PEX5L: variants seen among roughly 807,000 people sequenced by gnomAD.
PEX5L encodes the protein peroxisomal biogenesis factor 5 like, also known as PEX5-related protein.
Under a neutral mutation model 84.0 loss-of-function variants are expected in PEX5L, and 30 were observed. The observed-to-expected ratio is 0.36, with a 90% CI of 0.27 to 0.48. The LOEUF is 0.48. PEX5L is among the 20% of genes least tolerant of loss of function. PEX5L has a pLI of 0.99. For missense variants in PEX5L, 533 were observed against 754.6 expected, an observed-to-expected ratio of 0.71 and a Z score of 3.44; for synonymous variants, 270 against 283.1, an observed-to-expected ratio of 0.95 and a Z score of 0.46.
intron 2 of PEX5L, among the ~76,000 whole-genome samples, chr3:179,950,183 G>T (rs374404381): frequency 2.4e-4 from 37 of 152,176 alleles, no homozygotes; most frequent in Middle Eastern, 3.2e-3. Context: ...GCCCTGTGGT[G>T]CTTGGTCCTA....
Position 179,827,087 on chromosome 3 carries a change from G to A in PEX5L, c.823-7111C>T, listed in dbSNP as rs545477992. 5.9e-5 allele frequency among the ~76,000 whole-genome samples: 9 copies of A among 152,096 alleles called. No individual in the cohort carries two copies. In the East Asian group the frequency reaches 9.7e-4, roughly 16 times the overall value. On this transcript the variant is annotated intron_variant, in intron 8 of 14. Transcript: ENST00000467460. ...TACTTCATTCTTTTCTTTGACAGTC[G>A]ATTGCTTCTTCCCCAAATGGCTACA...
In PEX5L at chr3:180,024,762, C is replaced by A. The variant is rs77067759; in HGVS notation, c.21+11817G>T. Among the ~76,000 whole-genome samples the A allele has an allele frequency of 2.3e-3, 354 of 151,942 alleles. 4 individuals are homozygous for A. The highest frequency in any genetic ancestry group is 3.7e-3 in the Non-Finnish European group (250 of 67,978). ...GGTCAGGGCTGGGGGTATAAGCAACCCTTACAACAGGGTATAAGCAAATGA... is the reference window on the plus strand; with the variant it reads ...GGTCAGGGCTGGGGGTATAAGCAACACTTACAACAGGGTATAAGCAAATGA... On this transcript the variant is annotated intron_variant, in intron 1 of 14. Coordinates refer to ENST00000467460, the MANE Select transcript of PEX5L (RefSeq NM_016559.3).
At chr3:179,953,462 G>GT (rs1215888018) in intron 2 of PEX5L, among the ~76,000 whole-genome samples, 26 of 151,798 alleles carry the variant, frequency 1.7e-4, no homozygotes, top group Admixed American at 5.9e-4. Context: ...CTTCTCAAAA[G>GT]TTTTTTTTTA....
chr3:179,867,206 G>A (rs984595304), intron 7 of PEX5L, among the ~76,000 whole-genome samples: 1 of 151,948 alleles, frequency 6.6e-6, no homozygotes, highest in Admixed American at 6.6e-5. Context: ...GCTGATTTGT[G>A]AACAGTCTAT....
chr3:179,868,768 CT>C (rs1471566673), intron 7 of PEX5L, among the ~76,000 whole-genome samples: 1 of 152,098 alleles, frequency 6.6e-6, no homozygotes, highest in Admixed American at 6.6e-5. Context: ...AGCCAAGCCT[CT>C]TCCTTTCTCC....
chr3:179,994,501 C>T (rs933638194), intron 1 of PEX5L, among the ~76,000 whole-genome samples: 1 of 152,116 alleles, frequency 6.6e-6, no homozygotes, highest in Admixed American at 6.5e-5. Context: ...CTCAGACACC[C>T]CTTATCCCAG....
chr3:179,941,275 T>C (rs1029627224), intron 2 of PEX5L, among the ~76,000 whole-genome samples: 1 of 152,260 alleles, frequency 6.6e-6, no homozygotes, highest in Non-Finnish European at 1.5e-5. Flanking sequence ...TTCACATTGT[T>C]GTGTGATCAT....
chr3:180,023,647 T>C (rs1309802462), intron 1 of PEX5L, among the ~76,000 whole-genome samples: 1 of 152,168 alleles, frequency 6.6e-6, no homozygotes, highest in African/African-American at 2.4e-5. Flanking sequence ...AGTAAGCCTT[T>C]AAAGAGACCA....
At chr3:180,016,575 T>A (rs1789967968) in intron 1 of PEX5L, among the ~76,000 whole-genome samples, 1 of 152,156 alleles carries the variant, frequency 6.6e-6, no homozygotes, top group Admixed American at 6.5e-5. Context: ...ACAAAAGAAG[T>A]AGACATGTAC....
At chr3:180,003,708 T>C (rs963270533) in intron 1 of PEX5L, among the ~76,000 whole-genome samples, 5 of 152,182 alleles carry the variant, frequency 3.3e-5, no homozygotes, top group South Asian at 4.1e-4. Flanking sequence ...GTCATGAGTT[T>C]AATCTAAATT....
intron 2 of PEX5L, among the ~76,000 whole-genome samples, chr3:179,965,817 A>T (rs1262467671): frequency 6.6e-6 from 1 of 152,210 alleles, no homozygotes; most frequent in Non-Finnish European, 1.5e-5. Context: ...AATTATCAGT[A>T]ACTCAGAATT....
At chr3:179,908,979 A>G (rs1764237176) in intron 2 of PEX5L, among the ~76,000 whole-genome samples, 1 of 152,190 alleles carries the variant, frequency 6.6e-6, no homozygotes, top group East Asian at 1.9e-4. Flanking sequence ...AGCACCTTCC[A>G]TAATGCCCAG....
intron 1 of PEX5L, among the ~76,000 whole-genome samples, chr3:180,016,786 T>G (rs1789984754): frequency 6.6e-6 from 1 of 152,222 alleles, no homozygotes; most frequent in Non-Finnish European, 1.5e-5. Context: ...ACTTATTAAT[T>G]TAGCTGATTT....
At chr3:179,820,046 C>T (rs1291893438) in intron 8 of PEX5L, 70 bp from the exon 9 acceptor site, 2 of 1,600,838 alleles carry the variant, frequency 1.2e-6, no homozygotes, top group East Asian at 2.2e-5. Context: ...TTTCTTCCCC[C>T]CCTAATAGAT....
chr3:179,978,335 A>G (rs1266040432), intron 1 of PEX5L, among the ~76,000 whole-genome samples: 4 of 152,234 alleles, frequency 2.6e-5, no homozygotes, highest in African/African-American at 9.6e-5. Flanking sequence ...AGTATCCATT[A>G]AGATTACACA....
At chr3:180,035,525 T>G (rs1047375441) in intron 1 of PEX5L, among the ~76,000 whole-genome samples, 15 of 152,214 alleles carry the variant, frequency 9.9e-5, no homozygotes, top group African/African-American at 3.4e-4. Flanking sequence ...TGTGTTTTAT[T>G]TAAAAATGGA....
In PEX5L at chr3:179,802,047, A is replaced by G; in HGVS notation, c.1677-15T>C. 6.3e-7 allele frequency: 1 copy of G among 1,576,664 alleles called. No homozygotes were observed. Among genetic ancestry groups the G allele is most frequent in the Admixed American group, 1.7e-5 (1 of 60,000 alleles). On this transcript the variant is annotated splice_polypyrimidine_tract_variant and intron_variant, in intron 14 of 14. Coordinates refer to ENST00000467460, the MANE Select transcript of PEX5L (RefSeq NM_016559.3). Reference sequence around the variant, plus strand: ...TGACCGCTTCTCTAAGAAGGTAGAAAAACATATTTTAAAATGAGTCACATT... The same window carrying G: ...TGACCGCTTCTCTAAGAAGGTAGAAGAACATATTTTAAAATGAGTCACATT...
intron 1 of PEX5L, among the ~76,000 whole-genome samples, chr3:179,987,634 T>C (rs2110355902): frequency 6.6e-6 from 1 of 152,302 alleles, no homozygotes; most frequent in East Asian, 1.9e-4. Context: ...TGAAGAGTTC[T>C]AGTTCTGGCC....
chr3:179,816,075 C>T, intron 9 of PEX5L, 71 bp from the exon 10 acceptor site: 1 of 1,487,140 alleles, frequency 6.7e-7, no homozygotes, highest in Non-Finnish European at 9.3e-7. Context: ...AATAAGTTCT[C>T]ATTAAAAAGT....
Sources: gnomAD v4.1 joint callset for allele counts (sites outside exome capture counted in the v4.1 genomes callset) on GRCh38, gnomAD v4.1.1 for gene constraint, MANE v1.5 for transcripts, NCBI Gene and HGNC (gene_info 2026-07-23, HGNC 2026-07-21) for gene names.